Variants in GAPVD1 observed in about 807,000 individuals in gnomAD.
GAPVD1 encodes the protein GTPase activating protein and VPS9 domains 1, also known as GTPase-activating protein and VPS9 domain-containing protein 1.
A neutral mutation model predicts 155.5 loss-of-function variants in GAPVD1; 35 were observed. That is an observed-to-expected ratio of 0.23 (90% CI 0.17 to 0.30). The LOEUF is 0.30. Ranked by LOEUF, GAPVD1 falls within the 10% of genes least tolerant of loss-of-function variation. The pLI, the probability that GAPVD1 is intolerant of heterozygous loss-of-function variation, is 1.00. For synonymous variants in GAPVD1, 636 were observed against 619.7 expected, an observed-to-expected ratio of 1.03 and a Z score of -0.39; for missense variants, 1,429 against 1,775.7, an observed-to-expected ratio of 0.80 and a Z score of 3.51.
Position 125,350,310 on chromosome 9 carries a change from A to G in GAPVD1, c.3315A>G (p.Lys1105=). 1 of 1,587,248 alleles carries G rather than the reference A, an allele frequency of 6.3e-7. No homozygotes were observed. Among genetic ancestry groups the G allele is most frequent in the Admixed American group, 2.0e-5 (1 of 50,770 alleles). Residue 1105 remains lysine, a synonymous_variant, in exon 22 of 28, where the codon AAA becomes AAG. Coordinates refer to ENST00000297933, the MANE Select transcript of GAPVD1 (RefSeq NM_001282680.3). ...CATTTTTCAGAGATGCAAAAAAGAA[A>G]CTGAGGCTTGCTCTTTGCTCTGCGG... The part of the protein sequence containing the change: ...SAFSYRDAKK[K]LRLALCSADS...
rs1453861528 is a variant in GAPVD1, at chr9:125,337,477, T to C, written c.2763T>C (p.Arg921=). ...RPMSDPSWNR[R]PGNEERELPP... ...TGAGTGACCCCAGCTGGAACCGGCG[T>C]CCAGGAAATGAAGAGCGAGAACTCC... Residue 921 remains arginine (R), a synonymous_variant, in exon 17 of 28, where the codon CGT becomes CGC. Transcript: ENST00000297933. 29 of 1,614,188 alleles carry C rather than the reference T, an allele frequency of 1.8e-5. No individual in the cohort carries two copies. In the East Asian group the frequency reaches 4.5e-4, roughly 25 times the overall value.
In GAPVD1 at chr9:125,332,561, C is replaced by T; in HGVS notation, c.2360C>T (p.Ser787Phe). Reference sequence around the variant, plus strand: ...CCCAATAAGATTGAAGACCTGAGATCTGAGTGCAGCTCTGATTTTGGGGGT... The same window carrying T: ...CCCAATAAGATTGAAGACCTGAGATTTGAGTGCAGCTCTGATTTTGGGGGT... Reference protein sequence around the residue: ...DIPNKIEDLRSECSSDFGGKD... With the variant: ...DIPNKIEDLRFECSSDFGGKD... The change falls in exon 15 of 28, where the codon TCT becomes TTT. Residue 787 changes from serine (S) to phenylalanine (F), a missense_variant. Ser to Phe is a radical substitution (Grantham distance 155, BLOSUM62 -2). This residue lies in a region of GAPVD1 where 699 missense variants were observed against 826.0 expected (regional missense o/e 0.85). Coordinates refer to ENST00000297933, the MANE Select transcript of GAPVD1 (RefSeq NM_001282680.3). The T allele has an allele frequency of 6.2e-7, 1 of 1,605,814 alleles. No homozygotes were observed. Among genetic ancestry groups the T allele is most frequent in the Non-Finnish European group, 8.5e-7 (1 of 1,173,176 alleles).
Position 125,312,611 on chromosome 9 carries a change from AG to A in GAPVD1, c.1602+1del. 6.3e-7 allele frequency: 1 copy of A among 1,580,972 alleles called. No homozygotes were observed. Among genetic ancestry groups the A allele is most frequent in the Non-Finnish European group, 8.5e-7 (1 of 1,169,976 alleles). On this transcript the variant is annotated frameshift_variant and splice_region_variant, in exon 9 of 28. Transcript: ENST00000297933. LOFTEE classifies it high-confidence loss of function. ...ACTCCAGGGATGATGTCAGAAAATG[AG>A]GTATGAATCAGTTGCTTCTATAAAT... ...QLTPGMMSEN[E>X]VLNMQLSDGG...
intron 9 of GAPVD1, among the ~76,000 whole-genome samples, chr9:125,312,913 C>T (rs897508996): frequency 3.9e-5 from 6 of 152,072 alleles, no homozygotes; most frequent in Admixed American, 6.6e-5. Flanking sequence ...CTCCCAATCC[C>T]GGGTTCAAGC....
At chr9:125,322,355 C>T (rs373207305) in intron 10 of GAPVD1, among the ~76,000 whole-genome samples, 6 of 152,144 alleles carry the variant, frequency 3.9e-5, no homozygotes, top group East Asian at 1.9e-4. Flanking sequence ...TGAGCCACCG[C>T]GCCTGGCCCC....
chr9:125,270,715 G>A (rs937724900), intron 2 of GAPVD1, among the ~76,000 whole-genome samples: 1 of 152,060 alleles, frequency 6.6e-6, no homozygotes, highest in East Asian at 1.9e-4. Context: ...AGGCTGAGGC[G>A]GGTGGATCAC....
In GAPVD1 at chr9:125,355,828, T is replaced by C. The variant is rs755456080; in HGVS notation, c.3942T>C (p.Pro1314=). ...MNRIFKLAFY[P]NQDGDILRDQ... Reference sequence around the variant, plus strand: ...GGATTTTCAAGCTCGCCTTCTACCCTAATCAAGATGGGGACATACTTCGCG... The same window carrying C: ...GGATTTTCAAGCTCGCCTTCTACCCCAATCAAGATGGGGACATACTTCGCG... The change falls in exon 25 of 28, where the codon CCT becomes CCC. Residue 1314 remains proline, a synonymous_variant. Coordinates refer to ENST00000297933, the MANE Select transcript of GAPVD1 (RefSeq NM_001282680.3). 10 of 1,607,780 alleles carry C rather than the reference T, an allele frequency of 6.2e-6. No individual in the cohort carries two copies. Among genetic ancestry groups the C allele is most frequent in the Non-Finnish European group, 8.5e-6 (10 of 1,174,222 alleles).
At chr9:125,342,853 A>G (rs891198601) in intron 19 of GAPVD1, among the ~76,000 whole-genome samples, 1 of 152,122 alleles carries the variant, frequency 6.6e-6, no homozygotes, top group Non-Finnish European at 1.5e-5. Context: ...AAACTTTACT[A>G]ATTTTTTACA....
At chr9:125,283,800 C>A (rs998285820) in intron 2 of GAPVD1, among the ~76,000 whole-genome samples, 1 of 152,078 alleles carries the variant, frequency 6.6e-6, no homozygotes, top group Admixed American at 6.6e-5. Flanking sequence ...ACCTTAGAGA[C>A]CTTCTCTTTA....
At chr9:125,312,135 T>C (rs895493243) in intron 8 of GAPVD1, among the ~76,000 whole-genome samples, 1 of 152,196 alleles carries the variant, frequency 6.6e-6, no homozygotes, top group Non-Finnish European at 1.5e-5. Context: ...ATGCTTTTCT[T>C]GTCACTCCAA....
At chr9:125,286,466 C>T (rs566616947) in intron 2 of GAPVD1, among the ~76,000 whole-genome samples, 6 of 151,594 alleles carry the variant, frequency 4.0e-5, no homozygotes, top group Non-Finnish European at 7.4e-5. Context: ...TACAGGTTTT[C>T]AAAGTCTAGT....
chr9:125,296,659 T>TTTC (rs1194716832), intron 3 of GAPVD1, among the ~76,000 whole-genome samples: 2 of 137,704 alleles, frequency 1.5e-5, no homozygotes, highest in African/African-American at 5.6e-5. Flanking sequence ...TGGCCTTTTT[T>TTTC]TTTTTTTTCT....
intron 19 of GAPVD1, 142 bp from the exon 20 acceptor site, chr9:125,346,677 G>T: frequency 1.4e-6 from 1 of 736,906 alleles, no homozygotes; most frequent in Admixed American, 2.0e-5. Context: ...CAGCTGCATG[G>T]TGCCTCTTAA....
chr9:125,299,419 A>T (rs762838293), intron 4 of GAPVD1, among the ~76,000 whole-genome samples: 3 of 152,166 alleles, frequency 2.0e-5, no homozygotes, highest in Non-Finnish European at 2.9e-5. Context: ...GCACTTTGGG[A>T]GGCCAAGGCG....
intron 17 of GAPVD1, 77 bp from the exon 18 acceptor site, chr9:125,341,096 AAAAC>A (rs997765422): frequency 1.4e-5 from 12 of 829,742 alleles, no homozygotes; most frequent in African/African-American, 8.4e-5. Context: ...AAACAAAACA[AAAAC>A]AAACAAAAAG....
At chr9:125,321,679 A>G (rs1235196984) in intron 10 of GAPVD1, 117 bp downstream of exon 10, 2 of 910,798 alleles carry the variant, frequency 2.2e-6, no homozygotes, top group East Asian at 5.1e-5. Flanking sequence ...GAGGAGACTA[A>G]TGAAGATTTC....
At chr9:125,310,766 G>A (rs1463764510) in intron 8 of GAPVD1, among the ~76,000 whole-genome samples, 1 of 151,344 alleles carries the variant, frequency 6.6e-6, no homozygotes, top group Non-Finnish European at 1.5e-5. Context: ...TTGAACTCCC[G>A]GCCTCAGGAG....
chr9:125,285,818 T>G (rs1837600524), intron 2 of GAPVD1, among the ~76,000 whole-genome samples: 1 of 152,054 alleles, frequency 6.6e-6, no homozygotes, highest in Non-Finnish European at 1.5e-5. Flanking sequence ...TTTATTTTAT[T>G]TATTTTTTGA....
chr9:125,268,037 G>A (rs928341087), intron 1 of GAPVD1, among the ~76,000 whole-genome samples: 5 of 151,952 alleles, frequency 3.3e-5, no homozygotes, highest in African/African-American at 4.8e-5. Context: ...GGTGGCTCGC[G>A]CCTGTAATCC....
Sources: allele counts gnomAD v4.1 joint callset (sites outside exome capture counted in the v4.1 genomes callset), GRCh38; gene constraint gnomAD v4.1.1; regional missense constraint gnomAD v4.1.1; transcripts MANE v1.5; gene names NCBI Gene and HGNC (gene_info 2026-07-23, HGNC 2026-07-21).